UNC13B: variants seen among roughly 807,000 people sequenced by gnomAD.
The protein encoded by UNC13B is protein unc-13 homolog B.
In UNC13B, 144 loss-of-function variants were observed where a neutral mutation model predicts 211.0. That is an observed-to-expected ratio of 0.68 (90% CI 0.60 to 0.78). UNC13B has a LOEUF of 0.78. Among genes scored for constraint, UNC13B ranks in the 30% least tolerant of loss-of-function variants. The pLI is 0.00. For synonymous variants in UNC13B, 709 were observed against 725.8 expected, an observed-to-expected ratio of 0.98 and a Z score of 0.37; for missense variants, 1,777 against 2,002.0, an observed-to-expected ratio of 0.89 and a Z score of 2.14.
At chr9:35,382,962 T>G (rs1834957789) in intron 21 of UNC13B, among the ~76,000 whole-genome samples, 1 of 152,196 alleles carries the variant, frequency 6.6e-6, no homozygotes, top group Non-Finnish European at 1.5e-5. Context: ...CCTGTTTCCT[T>G]ATGGGTATGC....
chr9:35,292,439 C>A (rs1288556478), intron 7 of UNC13B, among the ~76,000 whole-genome samples: 2 of 152,200 alleles, frequency 1.3e-5, no homozygotes, highest in Non-Finnish European at 2.9e-5. Flanking sequence ...GGCCTTTCAT[C>A]ATGCCACTGC....
chr9:35,375,071 C>A, intron 13 of UNC13B, 56 bp from the exon 14 acceptor site: 1 of 1,599,048 alleles, frequency 6.3e-7, no homozygotes, highest in Non-Finnish European at 8.6e-7. Context: ...CTCCCTCCCC[C>A]AGACTTTGCC....
chr9:35,319,579 C>T (rs919458473), intron 11 of UNC13B, among the ~76,000 whole-genome samples: 1 of 152,076 alleles, frequency 6.6e-6, no homozygotes, highest in Admixed American at 6.6e-5. Context: ...TCCTTCCTCC[C>T]TCTAGTAGTC....
chr9:35,214,783 A>G (rs1389926126), intron 1 of UNC13B, among the ~76,000 whole-genome samples: 5 of 152,266 alleles, frequency 3.3e-5, no homozygotes, highest in Non-Finnish European at 7.3e-5. Context: ...TAAGACCGTA[A>G]TAGTAACAAT....
intron 1 of UNC13B, among the ~76,000 whole-genome samples, chr9:35,213,256 A>T (rs1040892584): frequency 1.3e-5 from 2 of 152,150 alleles, no homozygotes; most frequent in Non-Finnish European, 1.5e-5. Flanking sequence ...TCATGAGGGT[A>T]GGGCCTTCAT....
At chr9:35,225,222 G>A (rs944273306) in intron 1 of UNC13B, among the ~76,000 whole-genome samples, 8 of 152,112 alleles carry the variant, frequency 5.3e-5, no homozygotes, top group African/African-American at 1.9e-4. Context: ...GTGTGGTGGT[G>A]CTATCTCAGC....
At chr9:35,336,233 T>TTCA (rs1210947695) in intron 11 of UNC13B, among the ~76,000 whole-genome samples, 1 of 152,150 alleles carries the variant, frequency 6.6e-6, no homozygotes, top group African/African-American at 2.4e-5. Context: ...TCATAGCCAC[T>TTCA]TCATACAATG....
chr9:35,342,611 G>A (rs1457214312), intron 11 of UNC13B, among the ~76,000 whole-genome samples: 1 of 152,088 alleles, frequency 6.6e-6, no homozygotes, highest in Non-Finnish European at 1.5e-5. Context: ...GCCACCCTCT[G>A]GATGTGTGCA....
intron 1 of UNC13B, among the ~76,000 whole-genome samples, chr9:35,205,274 G>A (rs117814993): frequency 9.7e-4 from 148 of 152,002 alleles, no homozygotes; most frequent in African/African-American, 3.4e-3. Context: ...AAATCACCAC[G>A]TTTCAGGTAT....
intron 1 of UNC13B, among the ~76,000 whole-genome samples, chr9:35,200,697 C>G (rs1370241309): frequency 1.3e-5 from 2 of 152,184 alleles, no homozygotes; most frequent in Non-Finnish European, 2.9e-5. Flanking sequence ...TATCCTGAGA[C>G]TTTCCTGAAG....
intron 20 of UNC13B, 47 bp downstream of exon 20, chr9:35,381,766 T>G (rs1587737573): frequency 6.3e-7 from 1 of 1,598,166 alleles, no homozygotes; most frequent in Non-Finnish European, 8.5e-7. Context: ...ATCACTGGGG[T>G]GGCTAATTAA....
intron 1 of UNC13B, among the ~76,000 whole-genome samples, chr9:35,194,306 A>G (rs1224135909): frequency 6.6e-6 from 1 of 152,224 alleles, no homozygotes; most frequent in East Asian, 1.9e-4. Context: ...ACAGTCGCAG[A>G]CAGGAAAGGA....
At chr9:35,365,522 C>T (rs1006827688) in intron 11 of UNC13B, among the ~76,000 whole-genome samples, 25 of 152,178 alleles carry the variant, frequency 1.6e-4, no homozygotes, top group Admixed American at 5.2e-4. Flanking sequence ...AGTACGGTGG[C>T]TATTTCCAGA....
At chr9:35,362,715 G>A (rs1225385619) in intron 11 of UNC13B, among the ~76,000 whole-genome samples, 2 of 151,496 alleles carry the variant, frequency 1.3e-5, no homozygotes, top group Non-Finnish European at 2.9e-5. Flanking sequence ...CAGGAGAATG[G>A]TGTGAACCCA....
At chr9:35,380,435 C>A in intron 17 of UNC13B, 35 bp from the exon 18 acceptor site, 1 of 1,605,206 alleles carries the variant, frequency 6.2e-7, no homozygotes, top group South Asian at 1.1e-5. Context: ...GCTACTGGGT[C>A]TGCCCCTAAC....
At chr9:35,222,398 A>G (rs1183130440) in intron 1 of UNC13B, among the ~76,000 whole-genome samples, 1 of 152,156 alleles carries the variant, frequency 6.6e-6, no homozygotes, top group Non-Finnish European at 1.5e-5. Context: ...TAAGAATTTA[A>G]TATTTTGGGG....
chr9:35,167,205 C>T (rs1224296128), intron 1 of UNC13B, among the ~76,000 whole-genome samples: 2 of 151,904 alleles, frequency 1.3e-5, no homozygotes, highest in Admixed American at 1.3e-4. Flanking sequence ...TCCCAAGTAG[C>T]TGGGATTACA....
chr9:35,271,362 T>C (rs2151200), intron 7 of UNC13B, among the ~76,000 whole-genome samples: 148,653 of 152,174 alleles, frequency 0.98, 72,695 homozygotes, highest in East Asian at 1. Flanking sequence ...GAGACGCATG[T>C]GGCTTTTTGC....
intron 3 of UNC13B, among the ~76,000 whole-genome samples, chr9:35,235,986 G>GC (rs907862782): frequency 1.2e-4 from 10 of 80,568 alleles, no homozygotes; most frequent in Admixed American, 2.4e-4. Context: ...TTCTTTTCCC[G>GC]CCCCCCCTCC....
Sources: gnomAD v4.1 joint callset for allele counts (sites outside exome capture counted in the v4.1 genomes callset) on GRCh38, gnomAD v4.1.1 for gene constraint, MANE v1.5 for transcripts, NCBI Gene and HGNC (gene_info 2026-07-23, HGNC 2026-07-21) for gene names.